Variants in ADGRL3 observed in about 807,000 individuals in gnomAD.
ADGRL3 encodes calcium-independent alpha-latrotoxin receptor 3.
Under a neutral mutation model 153.5 loss-of-function variants are expected in ADGRL3, and 62 were observed. The ratio of observed to expected loss-of-function variants is 0.40; its 90% confidence interval spans 0.33 to 0.50. The LOEUF (loss-of-function observed/expected upper bound fraction) is 0.50. Ranked by LOEUF, ADGRL3 falls within the 20% of genes least tolerant of loss-of-function variation. The pLI is 0.47. For missense variants in ADGRL3, 1,641 were observed against 1,859.4 expected (o/e 0.88, Z 2.16); for synonymous variants, 710 against 672.5 (o/e 1.06, Z -0.86).
At chr4:61,302,854 T>A in intron 1 of ADGRL3, among the ~76,000 whole-genome samples, 1 of 152,134 alleles carries the variant, frequency 6.6e-6, no homozygotes, top group South Asian at 2.1e-4. Flanking sequence ...TTTGAAACAT[T>A]TCAGTTGTAT....
chr4:61,588,382 T>G (rs1384767693), intron 5 of ADGRL3, among the ~76,000 whole-genome samples: 1 of 152,032 alleles, frequency 6.6e-6, no homozygotes, highest in African/African-American at 2.4e-5. Flanking sequence ...TTTCACCTTT[T>G]GTCTTCTTCA....
chr4:61,947,726 T>C (rs2098931308), intron 16 of ADGRL3, among the ~76,000 whole-genome samples: 1 of 152,220 alleles, frequency 6.6e-6, no homozygotes, highest in South Asian at 2.1e-4. Context: ...TTTGCATATA[T>C]ACAAAGATTG....
chr4:61,831,250 A>G (rs931447420), intron 9 of ADGRL3, among the ~76,000 whole-genome samples: 1 of 151,956 alleles, frequency 6.6e-6, no homozygotes, highest in Non-Finnish European at 1.5e-5. Flanking sequence ...CAACTTTCAT[A>G]GTATCATTGT....
chr4:61,847,875 T>A (rs367607275), intron 9 of ADGRL3, among the ~76,000 whole-genome samples: 6 of 16,190 alleles, frequency 3.7e-4, no homozygotes, highest in East Asian at 1.4e-3. Flanking sequence ...ATAAAATATA[T>A]TATATATAAT....
chr4:61,759,540 C>G (rs1402329370), intron 8 of ADGRL3, among the ~76,000 whole-genome samples: 2 of 152,186 alleles, frequency 1.3e-5, no homozygotes, highest in South Asian at 4.1e-4. Context: ...TTAAGGAGTT[C>G]TCTGCATTGG....
intron 5 of ADGRL3, among the ~76,000 whole-genome samples, chr4:61,640,205 T>C (rs1033430462): frequency 1.3e-5 from 2 of 150,732 alleles, no homozygotes; most frequent in Admixed American, 6.7e-5. Flanking sequence ...CAAGAGGAAA[T>C]AATAGAGTAT....
intron 2 of ADGRL3, among the ~76,000 whole-genome samples, chr4:61,456,403 C>CTA (rs370077212): frequency 0.05 from 2,944 of 59,302 alleles, 140 homozygotes; most frequent in South Asian, 0.083. Flanking sequence ...ATATCTATAT[C>CTA]TATATATATA....
chr4:61,859,005 GA>G (rs1374488881), intron 9 of ADGRL3, among the ~76,000 whole-genome samples: 1 of 152,224 alleles, frequency 6.6e-6, no homozygotes, highest in Non-Finnish European at 1.5e-5. Flanking sequence ...GATTTGGGAG[GA>G]AAAACAAATC....
intron 25 of ADGRL3, among the ~76,000 whole-genome samples, chr4:62,048,744 G>A (rs1051642498): frequency 6.6e-6 from 1 of 150,438 alleles, no homozygotes; most frequent in African/African-American, 2.4e-5. Flanking sequence ...TTAGGGATAG[G>A]GTTTTGCCGT....
chr4:61,702,752 C>T lies in ADGRL3; in HGVS notation c.583+25817C>T, dbSNP rs1428435947. On this transcript the variant is annotated intron_variant, in intron 6 of 26. Coordinates refer to ENST00000683033, the MANE Select transcript of ADGRL3 (RefSeq NM_001387552.1). ...ATTGTGTCCAACTCATTGGCTACAA[C>T]TTTCAGTCCTCTTAAATGAATCATC... is the stretch of plus-strand genomic sequence containing the variant. Among the ~76,000 whole-genome samples, 4 of 152,174 alleles carry T rather than the reference C, an allele frequency of 2.6e-5. No individual in the cohort carries two copies. In the East Asian group the frequency reaches 7.7e-4, roughly 29 times the overall value.
chr4:61,470,787 A>G (rs897442557), intron 2 of ADGRL3, among the ~76,000 whole-genome samples: 2 of 151,946 alleles, frequency 1.3e-5, no homozygotes, highest in African/African-American at 4.8e-5. Context: ...GATAATTCCT[A>G]CAAAGATTTA....
intron 6 of ADGRL3, among the ~76,000 whole-genome samples, chr4:61,684,535 T>C (rs763792027): frequency 2.2e-4 from 34 of 152,186 alleles, no homozygotes; most frequent in Non-Finnish European, 4.7e-4. Flanking sequence ...AAAGAGCTTA[T>C]GTGTGACCAG....
In ADGRL3 at chr4:61,288,676, G is replaced by A. The variant is rs561227545; in HGVS notation, c.-240+86911G>A. ...TGGTAGGGGCTGCATCACATAGAAC[G>A]TTTTGAGAATAGTTGTATGGCCAAT... On this transcript the variant is annotated intron_variant, in intron 1 of 26. Coordinates refer to ENST00000683033, the MANE Select transcript of ADGRL3 (RefSeq NM_001387552.1). Among the ~76,000 whole-genome samples, 11 of 152,020 alleles carry A rather than the reference G, an allele frequency of 7.2e-5. No homozygotes were observed. The East Asian group carries it at 1.2e-3, about 16-fold the overall frequency.
chr4:61,632,489 A>G (rs1330051742), intron 5 of ADGRL3, among the ~76,000 whole-genome samples: 3 of 152,104 alleles, frequency 2.0e-5, no homozygotes, highest in Non-Finnish European at 2.9e-5. Context: ...CCTGCCTGGA[A>G]GCTTAGGAAA....
chr4:61,576,701 A>C (rs751714322), intron 4 of ADGRL3, among the ~76,000 whole-genome samples: 1 of 151,358 alleles, frequency 6.6e-6, no homozygotes, highest in Non-Finnish European at 1.5e-5. Flanking sequence ...AGCATAGTCA[A>C]TTTGCAGACT....
intron 8 of ADGRL3, among the ~76,000 whole-genome samples, chr4:61,756,432 G>A (rs1388590591): frequency 1.3e-5 from 2 of 152,100 alleles, no homozygotes; most frequent in African/African-American, 4.8e-5. Flanking sequence ...TCTGTTATTG[G>A]TGTATAAGAA....
intron 5 of ADGRL3, among the ~76,000 whole-genome samples, chr4:61,588,964 A>G (rs1408495472): frequency 6.6e-6 from 1 of 152,112 alleles, no homozygotes; most frequent in African/African-American, 2.4e-5. Flanking sequence ...TAATAGAAGC[A>G]TTAGCTCTTT....
At chr4:62,009,140 A>G (rs1182165328) in intron 21 of ADGRL3, among the ~76,000 whole-genome samples, 1 of 152,192 alleles carries the variant, frequency 6.6e-6, no homozygotes, top group Non-Finnish European at 1.5e-5. Context: ...TAAATGACAC[A>G]TGACTGTATA....
intron 1 of ADGRL3, among the ~76,000 whole-genome samples, chr4:61,370,969 C>G (rs1321762311): frequency 3.3e-5 from 5 of 150,820 alleles, no homozygotes; most frequent in Non-Finnish European, 7.4e-5. Context: ...GAATTGATCC[C>G]TTTACCATTA....
Sources: allele counts gnomAD v4.1 joint callset (sites outside exome capture counted in the v4.1 genomes callset), GRCh38; gene constraint gnomAD v4.1.1; transcripts MANE v1.5; gene names NCBI Gene and HGNC (gene_info 2026-07-23, HGNC 2026-07-21).